AP2A1: variants seen among roughly 807,000 people sequenced by gnomAD.
The protein encoded by AP2A1 is AP-2 complex subunit alpha-1.
AP2A1 carries 21 observed loss-of-function variants against 107.3 expected under a neutral mutation model. The observed-to-expected ratio is 0.20, with a 90% CI of 0.14 to 0.28. AP2A1 has a LOEUF of 0.28. Among genes scored for constraint, AP2A1 ranks in the 10% least tolerant of loss-of-function variants. AP2A1 has a pLI of 1.00. For synonymous variants in AP2A1, 602 were observed against 564.8 expected (o/e 1.07, Z -0.93); for missense variants, 873 against 1,307.7 (o/e 0.67, Z 5.13).
rs2073286878 is a variant in AP2A1, at chr19:49,801,941, GGGCGC to G, written c.1954-39_1954-35del. ...AGGGTGCCTGGGGCTGGGTCCTGCC[GGGCGC>G]CGCCTGTCCTCACCGTGACCTGCGC... On this transcript the variant is annotated intron_variant, in intron 14 of 22. Coordinates refer to ENST00000354293, the MANE Select transcript of AP2A1 (RefSeq NM_130787.3). 5.5e-6 allele frequency: 8 copies of G among 1,457,346 alleles called. No individual in the cohort carries two copies. The South Asian group carries it at 1.1e-4, about 21-fold the overall frequency. The allele number at this position is 1,457,346 out of a possible 1,614,324, so 90.3% of individuals were successfully genotyped here.
At chr19:49,791,258 C>T (rs185320305) in intron 4 of AP2A1, among the ~76,000 whole-genome samples, 8 of 152,324 alleles carry the variant, frequency 5.3e-5, no homozygotes, top group African/African-American at 1.4e-4. Context: ...ACAGCTCTAA[C>T]TCTGTTGCCC....
chr19:49,777,381 A>G (rs1186788012), intron 1 of AP2A1, among the ~76,000 whole-genome samples: 5 of 152,128 alleles, frequency 3.3e-5, no homozygotes, highest in Admixed American at 3.3e-4. Context: ...CATGCCTGTA[A>G]TCATAGCACT....
chr19:49,799,885 G>T, intron 10 of AP2A1, 83 bp from the exon 11 acceptor site: 1 of 1,572,020 alleles, frequency 6.4e-7, no homozygotes, highest in Non-Finnish European at 8.7e-7. Context: ...TCTCCAGATG[G>T]GGGCAGTGGT....
At chr19:49,800,907 C>T (rs766387019) in intron 11 of AP2A1, 54 bp from the exon 12 acceptor site, 90 of 1,480,310 alleles carry the variant, frequency 6.1e-5, no homozygotes, top group Non-Finnish European at 7.9e-5. Context: ...ACCCACCGAT[C>T]CCGGAGAGGG....
intron 15 of AP2A1, chr19:49,802,408 C>A (rs1169621226): frequency 9.8e-7 from 1 of 1,018,448 alleles, no homozygotes; most frequent in Non-Finnish European, 1.5e-6. Flanking sequence ...TCTTCCTTTT[C>A]TCCTTCTCTC....
Position 49,799,992 on chromosome 19 carries a change from G to A in AP2A1, c.1297G>A (p.Glu433Lys). The A allele has an allele frequency of 1.9e-6, 3 of 1,613,844 alleles. No homozygotes were observed. The highest frequency in any genetic ancestry group is 1.1e-5 in the South Asian group (1 of 91,088). Residue 433 changes from glutamate to lysine, a missense_variant, in exon 11 of 23, where the codon GAG becomes AAG. By Grantham distance (56) the Glu-to-Lys change is moderately conservative. Transcript: ENST00000354293. ...GGTCCTGAAGGTGGCCATCCTGGCCGAGAAGTACGCCGTGGACTACAGCTG... is the reference window on the plus strand; with the variant it reads ...GGTCCTGAAGGTGGCCATCCTGGCCAAGAAGTACGCCGTGGACTACAGCTG... ...EIVLKVAILA[E>K]KYAVDYSWYV... is the part of the protein sequence containing the mutation.
rs767661333 is a variant in AP2A1 at position 49,800,021 on chromosome 19, C to T, written c.1326C>T (p.Tyr442=). The change falls in exon 11 of 23, where the codon TAC becomes TAT. Residue 442 remains tyrosine (Y), a synonymous_variant. Coordinates refer to ENST00000354293, the MANE Select transcript of AP2A1 (RefSeq NM_130787.3). The part of the protein sequence containing the change: ...AEKYAVDYSW[Y]VDTILNLIRI... ...AGTACGCCGTGGACTACAGCTGGTA[C>T]GTGGACACCATCCTCAACCTCATCC... is the stretch of plus-strand genomic sequence containing the variant. 1.9e-5 allele frequency: 30 copies of T among 1,613,930 alleles called. No homozygotes were observed. Among genetic ancestry groups the T allele is most frequent in the East Asian group, 4.5e-5 (2 of 44,900 alleles).
intron 6 of AP2A1, 145 bp downstream of exon 6, chr19:49,793,237 G>A (rs1600232588): frequency 7.3e-6 from 6 of 824,040 alleles, no homozygotes; most frequent in East Asian, 5.3e-5. Context: ...ATCCTGGCTC[G>A]GCCTCTTCCT....
intron 11 of AP2A1, 113 bp from the exon 12 acceptor site, chr19:49,800,848 C>G (rs1167687145): frequency 1.2e-6 from 1 of 845,238 alleles, no homozygotes; most frequent in Non-Finnish European, 1.8e-6. Context: ...CACCTATAAC[C>G]CCACCTGCAG....
At position 49,801,372 on chromosome 19, in the gene AP2A1, AC is replaced by A. The variant is rs750992407; in HGVS notation, c.1554-15del. ...GGCAGTGGAACCTGGCCCCGCTGAC[AC>A]CCACTCCTGCACACAGCCCCCCAGT... On this transcript the variant is annotated splice_polypyrimidine_tract_variant and intron_variant, in intron 12 of 22. Coordinates refer to ENST00000354293, the MANE Select transcript of AP2A1 (RefSeq NM_130787.3). 6.2e-7 allele frequency: 1 copy of A among 1,606,548 alleles called. No individual in the cohort carries two copies. Among genetic ancestry groups the A allele is most frequent in the East Asian group, 2.2e-5 (1 of 44,784 alleles).
rs1319953241 is a variant in AP2A1 at position 49,785,932 on chromosome 19, T to C, written c.473+3208T>C. On this transcript the variant is annotated intron_variant, in intron 4 of 22. Transcript: ENST00000354293. This position sits in a 1 kb window ranked among gnomAD's most constrained non-coding sequence, Gnocchi z 4.1. The stretch of plus-strand genomic sequence containing the variant: ...ACTCCATCTCAAAAAAAAAAAACAT[T>C]AGTGGGGTGCAGTGGTGCACACCTG... Among the ~76,000 whole-genome samples the C allele has an allele frequency of 1.3e-5, 2 of 149,122 alleles. No homozygotes were observed. The highest frequency in any genetic ancestry group is 3.0e-5 in the Non-Finnish European group (2 of 67,348).
intron 1 of AP2A1, among the ~76,000 whole-genome samples, chr19:49,774,096 A>G (rs773349551): frequency 1.3e-5 from 2 of 152,210 alleles, no homozygotes; most frequent in African/African-American, 2.4e-5. Flanking sequence ...TGAAGAGCAC[A>G]GGAAGTCAAA....
chr19:49,804,324 G>C (rs1161427221), intron 18 of AP2A1: 1 of 152,130 alleles, frequency 6.6e-6, no homozygotes, highest in African/African-American at 2.4e-5. Context: ...GTTGGATCAC[G>C]AGGTCAGGAG....
chr19:49,769,791 A>G lies in AP2A1; in HGVS notation c.67+2591A>G, dbSNP rs574088188. Among the ~76,000 whole-genome samples the G allele has an allele frequency of 5.3e-5, 8 of 152,260 alleles. No individual in the cohort carries two copies. In the South Asian group the frequency reaches 8.3e-4, roughly 16 times the overall value. ...GAGGTAGCCATGGAAGCAGGGAACC[A>G]AATTAGGAGGGTGTTGCAGGCCTCT... On this transcript the variant is annotated intron_variant, in intron 1 of 22. Coordinates refer to ENST00000354293, the MANE Select transcript of AP2A1 (RefSeq NM_130787.3).
At chr19:49,805,418 TC>T (rs1568590320) in intron 18 of AP2A1, 34 bp from the exon 19 acceptor site, 1 of 1,505,528 alleles carries the variant, frequency 6.6e-7, no homozygotes, top group East Asian at 2.5e-5. Context: ...GGGGCCCACC[TC>T]CTCTGTCTGG....
At chr19:49,782,856 G>T in intron 4 of AP2A1, 132 bp downstream of exon 4, 1 of 1,101,456 alleles carries the variant, frequency 9.1e-7, no homozygotes, top group Non-Finnish European at 1.3e-6. Flanking sequence ...CTGGGCTGGG[G>T]ACCCAGTGGT....
chr19:49,798,875 A>G lies in AP2A1; in HGVS notation c.888A>G (p.Lys296=), dbSNP rs773581789. Reference sequence around the variant, plus strand: ...TCAACAAGGCCCAGGAGCCCCCCAAATCCAAGAAGGTGCAGCATTCCAACG... The same window carrying G: ...TCAACAAGGCCCAGGAGCCCCCCAAGTCCAAGAAGGTGCAGCATTCCAACG... ...TVLNKAQEPP[K]SKKVQHSNAK... The change falls in exon 8 of 23, where the codon AAA becomes AAG. Residue 296 remains lysine, a synonymous_variant. Coordinates refer to ENST00000354293, the MANE Select transcript of AP2A1 (RefSeq NM_130787.3). 1.6e-5 allele frequency: 25 copies of G among 1,589,916 alleles called. No homozygotes were observed. In the South Asian group the frequency reaches 2.5e-4, roughly 16 times the overall value.
intron 22 of AP2A1, 54 bp from the exon 23 acceptor site, chr19:49,806,627 A>G: frequency 6.2e-7 from 1 of 1,608,700 alleles, no homozygotes; most frequent in South Asian, 1.1e-5. Context: ...TTGGGTCCCG[A>G]CTTCCCTGGG....
At chr19:49,775,694 C>T (rs1027650233) in intron 1 of AP2A1, among the ~76,000 whole-genome samples, 1 of 152,128 alleles carries the variant, frequency 6.6e-6, no homozygotes, top group Non-Finnish European at 1.5e-5. Flanking sequence ...GGAGGCATTG[C>T]ACCCAGCCTT....
Sources: allele counts gnomAD v4.1 joint callset (sites outside exome capture counted in the v4.1 genomes callset), GRCh38; gene constraint gnomAD v4.1.1; non-coding constraint Gnocchi (gnomAD v3.1); transcripts MANE v1.5; gene names NCBI Gene and HGNC (gene_info 2026-07-23, HGNC 2026-07-21).